The following PAK3 variants were observed in gnomAD, a reference collection of about 807,000 sequenced individuals.
The protein encoded by PAK3 is serine/threonine-protein kinase PAK 3.
Under a neutral mutation model 41.0 loss-of-function variants are expected in PAK3, and 4 were observed. That is an observed-to-expected ratio of 0.10 (90% confidence interval 0.05 to 0.22). The LOEUF (loss-of-function observed/expected upper bound fraction) is 0.22. PAK3 is among the 10% of genes least tolerant of loss of function. The pLI, the probability that PAK3 is intolerant of heterozygous loss-of-function variation, is 1.00. For synonymous variants in PAK3, 146 were observed against 139.6 expected (o/e 1.05, Z -0.32); for missense variants, 205 against 409.9 (o/e 0.50, Z 4.32).
intron 1 of PAK3, among the ~76,000 whole-genome samples, chrX:111,073,989 C>T (rs1308493057): frequency 3.6e-5 from 4 of 111,838 alleles, no homozygotes; most frequent in Non-Finnish European, 7.5e-5. Flanking sequence ...TTCAACAGCA[C>T]ATTAAAAATA....
chrX:111,059,141 A>G (rs867576747), intron 1 of PAK3, among the ~76,000 whole-genome samples: 6 of 10,384 alleles, frequency 5.8e-4, no homozygotes, highest in Non-Finnish European at 1.6e-3. Flanking sequence ...TTTTTTTTTG[A>G]AAAAAAAGGC....
chrX:110,961,936 G>C (rs763603871), intron 1 of PAK3, among the ~76,000 whole-genome samples: 4 of 112,233 alleles, frequency 3.6e-5, no homozygotes, highest in Non-Finnish European at 7.5e-5. Context: ...GATTCCATGA[G>C]AGTATTTTCT....
At chrX:110,976,457 C>T (rs1218748849) in intron 1 of PAK3, among the ~76,000 whole-genome samples, 2 of 112,093 alleles carry the variant, frequency 1.8e-5, no homozygotes, top group Admixed American at 1.9e-4. Flanking sequence ...AGTCAGGAAA[C>T]AACAGATGCT....
At chrX:110,977,981 T>A (rs1214237572) in intron 1 of PAK3, among the ~76,000 whole-genome samples, 1 of 112,436 alleles carries the variant, frequency 8.9e-6, no homozygotes, top group Non-Finnish European at 1.9e-5. Context: ...GGGAAATCTT[T>A]TAGTCTTTCA....
intron 8 of PAK3, among the ~76,000 whole-genome samples, chrX:111,153,066 C>T (rs953513003): frequency 1.8e-5 from 2 of 111,729 alleles, no homozygotes; most frequent in African/African-American, 6.5e-5. Flanking sequence ...GTTTCTCTTA[C>T]ATGTAGAACT....
intron 1 of PAK3, among the ~76,000 whole-genome samples, chrX:110,988,694 C>A (rs1202666151): frequency 8.9e-6 from 1 of 111,765 alleles, no homozygotes; most frequent in African/African-American, 3.3e-5. Context: ...CTCCTCTCTC[C>A]CCATCTCTCC....
At chrX:111,205,986 T>A (rs756164219) in intron 16 of PAK3, among the ~76,000 whole-genome samples, 14 of 111,183 alleles carry the variant, frequency 1.3e-4, no homozygotes, top group African/African-American at 4.6e-4. Context: ...AAAGAGAAAA[T>A]GGGAGGTGAG....
chrX:111,088,226 A>T (rs1254396464), intron 1 of PAK3, among the ~76,000 whole-genome samples: 1 of 111,478 alleles, frequency 9.0e-6, no homozygotes, highest in Admixed American at 9.5e-5. Context: ...TTTATATTTA[A>T]CCTTCCCAAT....
chrX:111,138,990 A>G (rs1468189128), intron 5 of PAK3, among the ~76,000 whole-genome samples: 1 of 101,564 alleles, frequency 9.8e-6, no homozygotes, highest in Non-Finnish European at 2.0e-5. Context: ...ACAAACAACA[A>G]CACACACACA....
rs771221464 is a variant in PAK3 at position 110,974,545 on chromosome X, G to T, written c.-28+29917G>T. On this transcript the variant is annotated intron_variant, in intron 1 of 14. Coordinates refer to the PAK3 transcript ENST00000425146. The stretch of plus-strand genomic sequence containing the variant: ...CTACCAGAGGTTCAAAGAGGAGCTG[G>T]TACCATTCCTTCTGAAACTATTCCA... 2.1e-4 allele frequency among the ~76,000 whole-genome samples: 24 copies of T among 111,680 alleles called. No homozygotes were observed. The South Asian group carries it at 9.1e-3, about 42-fold the overall frequency.
intron 8 of PAK3, among the ~76,000 whole-genome samples, chrX:111,154,497 A>G (rs185357302): frequency 1.2e-3 from 132 of 111,502 alleles, no homozygotes; most frequent in African/African-American, 4.2e-3. Context: ...ATTAAATGTG[A>G]TAATGTACAT....
At chrX:111,172,269 C>G (rs188026850) in intron 10 of PAK3, among the ~76,000 whole-genome samples, 2 of 111,958 alleles carry the variant, frequency 1.8e-5, no homozygotes, top group South Asian at 7.4e-4. Flanking sequence ...CCATTCTGAT[C>G]GGTCTGTAGT....
intron 15 of PAK3, 80 bp downstream of exon 15, chrX:111,196,021 T>C: frequency 1.6e-6 from 1 of 643,804 alleles, no homozygotes; most frequent in Non-Finnish European, 2.6e-6. Flanking sequence ...AGATAATGGT[T>C]ACTGAAAGTG....
chrX:111,152,105 A>G (rs976597872), intron 7 of PAK3, among the ~76,000 whole-genome samples: 2 of 112,547 alleles, frequency 1.8e-5, no homozygotes, highest in East Asian at 5.6e-4. Flanking sequence ...GGGGACTACT[A>G]TAGATGTACA....
At chrX:111,219,953 G>A (rs1464124308) in intron 17 of PAK3, among the ~76,000 whole-genome samples, 1 of 112,105 alleles carries the variant, frequency 8.9e-6, no homozygotes, top group African/African-American at 3.2e-5. Flanking sequence ...GGGGCCAAAA[G>A]AGAAATGGTA....
At chrX:111,162,693 G>GT (rs1304877007) in intron 8 of PAK3, among the ~76,000 whole-genome samples, 1 of 111,380 alleles carries the variant, frequency 9.0e-6, no homozygotes, top group Non-Finnish European at 1.9e-5. Flanking sequence ...ACACTTCATG[G>GT]TTTTTTAAGC....
At chrX:111,138,461 A>G (rs1325703581) in intron 5 of PAK3, among the ~76,000 whole-genome samples, 1 of 111,647 alleles carries the variant, frequency 9.0e-6, no homozygotes, top group East Asian at 2.8e-4. Flanking sequence ...GTAGACACTG[A>G]GTAGTTCTAT....
intron 6 of PAK3, among the ~76,000 whole-genome samples, chrX:111,147,328 G>T (rs2093960627): frequency 9.0e-6 from 1 of 111,302 alleles, no homozygotes; most frequent in African/African-American, 3.3e-5. Flanking sequence ...TGTTATTCCA[G>T]TCATAAAATC....
intron 1 of PAK3, among the ~76,000 whole-genome samples, chrX:111,026,534 A>G (rs984529413): frequency 1.8e-5 from 2 of 111,626 alleles, no homozygotes; most frequent in African/African-American, 6.5e-5. Flanking sequence ...GATCAAATAA[A>G]GAACTCAACC....
Sources: allele counts gnomAD v4.1 joint callset (sites outside exome capture counted in the v4.1 genomes callset), GRCh38; gene constraint gnomAD v4.1.1; transcripts MANE v1.5; gene names NCBI Gene and HGNC (gene_info 2026-07-23, HGNC 2026-07-21).